The following KBTBD12 variants were observed in gnomAD, a reference collection of about 807,000 sequenced individuals.
KBTBD12 encodes kelch repeat and BTB domain-containing protein 12.
Under a neutral mutation model 58.7 loss-of-function variants are expected in KBTBD12, and 53 were observed. The ratio of observed to expected loss-of-function variants is 0.90; its 90% CI spans 0.72 to 1.14. The LOEUF (loss-of-function observed/expected upper bound fraction) is 1.14. Ranked by LOEUF, KBTBD12 falls within the 50% of genes most tolerant of loss-of-function variation. The pLI, the probability that KBTBD12 is intolerant of heterozygous loss-of-function variation, is 0.00. For synonymous variants in KBTBD12, 236 were observed against 259.8 expected, an observed-to-expected ratio of 0.91 and a Z score of 0.88; for missense variants, 704 against 751.3, an observed-to-expected ratio of 0.94 and a Z score of 0.74.
chr3:127,964,031 A>T (rs1940509450), intron 5 of KBTBD12, among the ~76,000 whole-genome samples: 1 of 152,194 alleles, frequency 6.6e-6, no homozygotes, highest in Non-Finnish European at 1.5e-5. Flanking sequence ...ACTGCATTCT[A>T]CAGTATGGAT....
At chr3:127,981,099 C>T (rs904115479) in intron 5 of KBTBD12, among the ~76,000 whole-genome samples, 10 of 152,134 alleles carry the variant, frequency 6.6e-5, no homozygotes, top group African/African-American at 2.4e-4. Context: ...ACATTAATAT[C>T]CATCTCTAAC....
intron 4 of KBTBD12, among the ~76,000 whole-genome samples, chr3:127,941,109 C>G (rs185624021): frequency 6.6e-6 from 1 of 152,146 alleles, no homozygotes; most frequent in African/African-American, 2.4e-5. Context: ...TGAATTTAAC[C>G]AAGCATTTAA....
chr3:127,959,411 C>G (rs987292305), intron 4 of KBTBD12, among the ~76,000 whole-genome samples: 1 of 152,228 alleles, frequency 6.6e-6, no homozygotes, highest in African/African-American at 2.4e-5. Context: ...TTCCTCAGCC[C>G]TTTGGCCTTC....
intron 4 of KBTBD12, among the ~76,000 whole-genome samples, chr3:127,952,562 G>A (rs1239268563): frequency 6.6e-6 from 1 of 152,086 alleles, no homozygotes; most frequent in Non-Finnish European, 1.5e-5. Context: ...ATATATGCAG[G>A]CAATTGTACA....
intron 4 of KBTBD12, among the ~76,000 whole-genome samples, chr3:127,946,660 G>GATGT (rs1421034180): frequency 6.6e-6 from 1 of 152,076 alleles, no homozygotes; most frequent in Non-Finnish European, 1.5e-5. Context: ...TGTATGGATT[G>GATGT]ATGTTTTCAT....
intron 5 of KBTBD12, among the ~76,000 whole-genome samples, chr3:127,975,519 A>G (rs1414985778): frequency 6.6e-6 from 1 of 152,206 alleles, no homozygotes; most frequent in East Asian, 1.9e-4. Flanking sequence ...GTCAGAAAAG[A>G]CAGATTCAGC....
In KBTBD12 at chr3:127,923,146, G is replaced by T. The variant is rs756939434; in HGVS notation, c.85G>T (p.Glu29Ter). The T allele has an allele frequency of 6.2e-7, 1 of 1,612,750 alleles. No individual in the cohort carries two copies. The highest frequency in any genetic ancestry group is 1.1e-5 in the South Asian group (1 of 91,016). The change falls in exon 2 of 6, where the codon GAA becomes TAA. Residue 29 changes from glutamate (E) to a stop codon, truncating the protein, a stop_gained. Coordinates refer to ENST00000405109, the MANE Select transcript of KBTBD12 (RefSeq NM_207335.4). LOFTEE classifies it high-confidence loss of function. ...NKIQNMKELA[E>*]MIDVVLTAEG... ...AATTCAGAACATGAAAGAATTAGCA[G>T]AAATGATTGATGTGGTACTCACAGC...
intron 3 of KBTBD12, among the ~76,000 whole-genome samples, chr3:127,929,432 C>A (rs1309386021): frequency 1.3e-5 from 2 of 152,068 alleles, no homozygotes; most frequent in African/African-American, 4.8e-5. Context: ...ATATTAAGTT[C>A]CACATACATG....
At chr3:127,926,540 T>A (rs1260493949) in intron 2 of KBTBD12, among the ~76,000 whole-genome samples, 1 of 152,186 alleles carries the variant, frequency 6.6e-6, no homozygotes, top group Non-Finnish European at 1.5e-5. Flanking sequence ...TACATTCAGC[T>A]GTGACAAGCC....
chr3:127,964,883 C>G lies in KBTBD12; in HGVS notation c.1690+1497C>G, dbSNP rs1466750919. On this transcript the variant is annotated intron_variant, in intron 5 of 5. Coordinates refer to ENST00000405109, the MANE Select transcript of KBTBD12 (RefSeq NM_207335.4). ...TTTACATTAAACATTACATGCCATG[C>G]TTGGGTAAAGACTGTAATCTATCAT... Among the ~76,000 whole-genome samples, 3 of 152,246 alleles carry G rather than the reference C, an allele frequency of 2.0e-5. No homozygotes were observed. The East Asian group carries it at 5.8e-4, about 29-fold the overall frequency.
At chr3:127,945,476 G>A (rs1487430126) in intron 4 of KBTBD12, among the ~76,000 whole-genome samples, 5 of 151,458 alleles carry the variant, frequency 3.3e-5, no homozygotes, top group Non-Finnish European at 5.9e-5. Context: ...GAGCCACCGC[G>A]CCCGGCCAAA....
At chr3:127,917,381 A>AG (rs1434251887) in intron 1 of KBTBD12, among the ~76,000 whole-genome samples, 1 of 152,316 alleles carries the variant, frequency 6.6e-6, no homozygotes, top group East Asian at 1.9e-4. Context: ...ATATGGGGGA[A>AG]GGGGTACAGC....
intron 5 of KBTBD12, among the ~76,000 whole-genome samples, chr3:127,983,055 C>T (rs1260538449): frequency 6.6e-6 from 1 of 152,226 alleles, no homozygotes; most frequent in African/African-American, 2.4e-5. Context: ...GGAAATAGGG[C>T]AGTTTCAACC....
chr3:127,915,484 A>G lies in KBTBD12; in HGVS notation c.-215A>G, dbSNP rs1337130568. Reference sequence around the variant, plus strand: ...CAGCCAGCACAGGCCCATATTGGGCAGTGGCCTCAGTCAGGCCCGCTGGCC... The same window carrying G: ...CAGCCAGCACAGGCCCATATTGGGCGGTGGCCTCAGTCAGGCCCGCTGGCC... On this transcript the variant is annotated 5_prime_UTR_variant, in exon 1 of 6. Transcript: ENST00000405109. The G allele has an allele frequency of 2.0e-5, 3 of 152,454 alleles. No individual in the cohort carries two copies. Among genetic ancestry groups the G allele is most frequent in the Non-Finnish European group, 4.4e-5 (3 of 68,226 alleles). The allele number at this position is 152,454 out of a possible 1,614,324, so 9.4% of individuals were successfully genotyped here.
chr3:127,962,833 G>A (rs913366486), intron 4 of KBTBD12, among the ~76,000 whole-genome samples: 1 of 152,162 alleles, frequency 6.6e-6, no homozygotes, highest in Non-Finnish European at 1.5e-5. Flanking sequence ...TCAACAGCAA[G>A]GCAGATGTCA....
At chr3:127,964,915 A>G (rs2107611232) in intron 5 of KBTBD12, among the ~76,000 whole-genome samples, 1 of 152,340 alleles carries the variant, frequency 6.6e-6, no homozygotes, top group Non-Finnish European at 1.5e-5. Flanking sequence ...TCATAGTAGT[A>G]AGAAACCTGG....
chr3:127,977,118 T>A (rs913243658), intron 5 of KBTBD12, among the ~76,000 whole-genome samples: 19 of 152,220 alleles, frequency 1.2e-4, no homozygotes, highest in African/African-American at 4.6e-4. Flanking sequence ...CCTGTATTAG[T>A]TCACTTAGGA....
At position 127,984,238 on chromosome 3, in the gene KBTBD12, C is replaced by G. The variant is rs755283389; in HGVS notation, c.1832C>G (p.Pro611Arg). The G allele has an allele frequency of 4.3e-6, 7 of 1,613,928 alleles. No individual in the cohort carries two copies. The highest frequency in any genetic ancestry group is 5.9e-6 in the Non-Finnish European group (7 of 1,179,878). The change falls in exon 6 of 6, where the codon CCC (proline) becomes CGC (arginine). Residue 611 changes from proline (P) to arginine (R), a missense_variant. Pro to Arg is a moderately radical substitution (Grantham distance 103). Coordinates refer to ENST00000405109, the MANE Select transcript of KBTBD12 (RefSeq NM_207335.4). ...VARMNPRDLI[P>R]PPSDLVEEGN... is the part of the protein sequence containing the mutation. ...AGGATGAATCCCCGAGACCTCATCC[C>G]CCCGCCTTCAGATTTGGTGGAAGAA...
intron 4 of KBTBD12, among the ~76,000 whole-genome samples, chr3:127,950,331 C>T (rs1432688539): frequency 3.9e-5 from 6 of 152,084 alleles, no homozygotes; most frequent in Admixed American, 3.9e-4. Context: ...GAGGAACAAA[C>T]ATCCAGAGAT....
Sources: allele counts gnomAD v4.1 joint callset (sites outside exome capture counted in the v4.1 genomes callset), GRCh38; gene constraint gnomAD v4.1.1; transcripts MANE v1.5; gene names NCBI Gene and HGNC (gene_info 2026-07-23, HGNC 2026-07-21).